Variants in RGS6 observed in about 807,000 individuals in gnomAD.
The protein encoded by RGS6 is regulator of G protein signaling 6.
In RGS6, 30 loss-of-function variants were observed where a neutral mutation model predicts 78.5. The observed-to-expected ratio is 0.38, with a 90% CI of 0.29 to 0.52. RGS6 has a LOEUF of 0.52. Ranked by LOEUF, RGS6 falls within the 20% of genes least tolerant of loss-of-function variation. The probability of loss-of-function intolerance (pLI) is 0.85; values close to 1 mark genes in which losing one functional copy is unlikely to be tolerated. For missense variants in RGS6, 495 were observed against 609.7 expected (o/e 0.81, Z 1.98); for synonymous variants, 206 against 206.0 (o/e 1.00, Z 0.00).
intron 2 of RGS6, among the ~76,000 whole-genome samples, chr14:71,966,028 C>T (rs1382211026): frequency 1.3e-5 from 2 of 152,280 alleles, no homozygotes; most frequent in African/African-American, 4.8e-5. Flanking sequence ...AAGAAAATGG[C>T]ACATAAGTTT....
chr14:72,030,400 G>C (rs1263643052), intron 2 of RGS6, among the ~76,000 whole-genome samples: 1 of 151,612 alleles, frequency 6.6e-6, no homozygotes, highest in Non-Finnish European at 1.5e-5. Flanking sequence ...AAAATAAAAG[G>C]ATAGAAAAAT....
In RGS6 at chr14:72,565,541, TGC is replaced by T. The variant is rs1203913447; in HGVS notation, c.*3075_*3076del. 6.6e-6 allele frequency: 1 copy of T among 152,196 alleles called. No individual in the cohort carries two copies. Among genetic ancestry groups the T allele is most frequent in the Non-Finnish European group, 1.5e-5 (1 of 68,042 alleles). 9.4% of individuals were successfully genotyped at this position (152,196 alleles called of 1,614,324 possible). A position where few individuals can be genotyped will look rare whatever the true frequency, so the allele number is the denominator to read the frequency against. On this transcript the variant is annotated 3_prime_UTR_variant, in exon 18 of 18. Transcript: ENST00000553525. ...CCCCAGGAACAAAGCAGGGCCCAACTGCCAGTGCAGTCAGCTGGGCCTGCGCT... is the reference window on the plus strand; with the variant it reads ...CCCCAGGAACAAAGCAGGGCCCAACTCAGTGCAGTCAGCTGGGCCTGCGCT...
At chr14:72,044,879 C>A (rs28753967) in intron 2 of RGS6, among the ~76,000 whole-genome samples, 6 of 152,028 alleles carry the variant, frequency 3.9e-5, no homozygotes, top group Non-Finnish European at 2.9e-5. Context: ...TCTCAAAAAA[C>A]AAAAAAAACC....
chr14:72,486,034 G>A (rs993242370), intron 12 of RGS6, among the ~76,000 whole-genome samples: 2 of 152,136 alleles, frequency 1.3e-5, no homozygotes, highest in Non-Finnish European at 2.9e-5. Flanking sequence ...AATCATGCTG[G>A]TGTTTTCCCC....
At chr14:72,493,870 G>A (rs2096610374) in intron 12 of RGS6, among the ~76,000 whole-genome samples, 1 of 152,086 alleles carries the variant, frequency 6.6e-6, no homozygotes, top group Non-Finnish European at 1.5e-5. Flanking sequence ...GGAGATAAAA[G>A]CATTTTTAGA....
intron 3 of RGS6, among the ~76,000 whole-genome samples, chr14:72,415,923 G>T (rs984759319): frequency 1.6e-4 from 24 of 152,126 alleles, no homozygotes; most frequent in African/African-American, 5.6e-4. Flanking sequence ...GCCAAGGCGG[G>T]CAGATCATGA....
At chr14:72,049,981 C>T (rs2093126112) in intron 2 of RGS6, among the ~76,000 whole-genome samples, 2 of 152,092 alleles carry the variant, frequency 1.3e-5, no homozygotes, top group African/African-American at 4.8e-5. Flanking sequence ...AACTGACCAG[C>T]TAGATGATTT....
chr14:72,094,735 G>C (rs960226413), intron 2 of RGS6, among the ~76,000 whole-genome samples: 22 of 151,922 alleles, frequency 1.4e-4, no homozygotes, highest in African/African-American at 5.1e-4. Context: ...GTTTACTTTC[G>C]TTATACCTTA....
intron 2 of RGS6, among the ~76,000 whole-genome samples, chr14:72,019,051 C>T (rs113135002): frequency 5.5e-4 from 84 of 151,994 alleles, no homozygotes; most frequent in African/African-American, 1.9e-3. Context: ...AAAAGCAACC[C>T]CCCAAATCAG....
At chr14:72,431,781 T>C (rs972463260) in intron 3 of RGS6, among the ~76,000 whole-genome samples, 2 of 152,152 alleles carry the variant, frequency 1.3e-5, no homozygotes, top group African/African-American at 4.8e-5. Flanking sequence ...GGGAGAGCCC[T>C]CTGGCCAAAT....
At chr14:72,464,413 C>T (rs1335115711) in intron 6 of RGS6, among the ~76,000 whole-genome samples, 1 of 152,206 alleles carries the variant, frequency 6.6e-6, no homozygotes, top group Non-Finnish European at 1.5e-5. Flanking sequence ...GCACACAATT[C>T]GCCGGGTGGA....
intron 3 of RGS6, among the ~76,000 whole-genome samples, chr14:72,364,341 G>C (rs762386657): frequency 1.3e-4 from 20 of 152,166 alleles, no homozygotes; most frequent in South Asian, 4.1e-4. Flanking sequence ...AGACCCATGG[G>C]TACCAAACTT....
chr14:72,413,083 T>C (rs893443225), intron 3 of RGS6, among the ~76,000 whole-genome samples: 20 of 152,220 alleles, frequency 1.3e-4, no homozygotes, highest in African/African-American at 4.3e-4. Context: ...GTCTATTAGG[T>C]CCGCTTGGTG....
intron 2 of RGS6, among the ~76,000 whole-genome samples, chr14:72,284,127 A>C (rs930666547): frequency 1.3e-5 from 2 of 152,234 alleles, no homozygotes; most frequent in Non-Finnish European, 2.9e-5. Flanking sequence ...TGGTGCTGTT[A>C]AAAGCATTCA....
chr14:72,194,726 C>T (rs1223040048), intron 2 of RGS6, among the ~76,000 whole-genome samples: 1 of 152,044 alleles, frequency 6.6e-6, no homozygotes, highest in Non-Finnish European at 1.5e-5. Flanking sequence ...AATTATAATA[C>T]ATGTTCAGAA....
chr14:72,515,041 C>T (rs975672786), intron 14 of RGS6, among the ~76,000 whole-genome samples: 2 of 152,138 alleles, frequency 1.3e-5, no homozygotes, highest in African/African-American at 4.8e-5. Context: ...TTCCTCAAAA[C>T]CAGTGATGGT....
Position 72,478,258 on chromosome 14 carries a change from AT to A in RGS6, c.793-6del. 1 of 1,606,810 alleles carries A rather than the reference AT, an allele frequency of 6.2e-7. No individual in the cohort carries two copies. The highest frequency in any genetic ancestry group is 8.5e-7 in the Non-Finnish European group (1 of 1,173,768). ...TTTGGTCTTAACATCTGTGTTCTCT[AT>A]TTTCCCAGATAACATTTTTGAACGC... On this transcript the variant is annotated splice_polypyrimidine_tract_variant and intron_variant, in intron 11 of 17. Coordinates refer to ENST00000553525, the MANE Select transcript of RGS6 (RefSeq NM_001204424.2).
At chr14:71,929,474 T>G (rs1203299138), upstream of RGS6, among the ~76,000 whole-genome samples, 1 of 152,222 alleles carries the variant, frequency 6.6e-6, no homozygotes, top group Non-Finnish European at 1.5e-5. Context: ...CAAGGCTGAT[T>G]TGTCCCATCA....
chr14:71,920,719 G>C, the RGS6 span, among the ~76,000 whole-genome samples: 2 of 152,208 alleles, frequency 1.3e-5, no homozygotes, highest in Non-Finnish European at 2.9e-5. Flanking sequence ...AATACTAACT[G>C]CCTGCTCATG....
Sources: gnomAD v4.1 joint callset for allele counts (sites outside exome capture counted in the v4.1 genomes callset) on GRCh38, gnomAD v4.1.1 for gene constraint, MANE v1.5 for transcripts, NCBI Gene and HGNC (gene_info 2026-07-23, HGNC 2026-07-21) for gene names.